DAB2: variants seen among roughly 807,000 people sequenced by gnomAD.
The protein encoded by DAB2 is disabled homolog 2.
Under a neutral mutation model 71.6 loss-of-function variants are expected in DAB2, and 28 were observed. That is an observed-to-expected ratio of 0.39 (90% CI 0.29 to 0.54). The LOEUF (loss-of-function observed/expected upper bound fraction) is 0.54, where lower values mean the gene tolerates loss of function less well. Ranked by LOEUF, DAB2 falls within the 20% of genes least tolerant of loss-of-function variation. DAB2 has a pLI of 0.68. For missense variants in DAB2, 867 were observed against 928.8 expected (o/e 0.93, Z 0.86); for synonymous variants, 345 against 339.7 (o/e 1.02, Z -0.17).
chr5:39,388,904 G>T, intron 7 of DAB2, 52 bp from the exon 8 acceptor site: 17 of 1,499,418 alleles, frequency 1.1e-5, no homozygotes, highest in Non-Finnish European at 1.6e-5. Context: ...TCTATAAAAT[G>T]TATTTGTCCA....
intron 1 of DAB2, among the ~76,000 whole-genome samples, chr5:39,424,542 G>T (rs547864077): frequency 3.1e-4 from 47 of 149,630 alleles, no homozygotes; most frequent in Non-Finnish European, 5.9e-4. Flanking sequence ...GGAGGCGTTT[G>T]TTAAATGTCA....
intron 11 of DAB2, 149 bp downstream of exon 11, chr5:39,381,305 T>G: frequency 2.9e-6 from 2 of 694,994 alleles, no homozygotes; most frequent in Non-Finnish European, 4.7e-6. Flanking sequence ...GGATGTGGGG[T>G]TGTATAGTAG....
At chr5:39,385,468 T>G (rs1021729708) in intron 9 of DAB2, 9 of 152,148 alleles carry the variant, frequency 5.9e-5, no homozygotes, top group Non-Finnish European at 1.2e-4. Context: ...AGGCTGGGTT[T>G]GTTATTAATC....
chr5:39,376,958 G>T lies in DAB2; in HGVS notation c.1829C>A (p.Ser610Tyr). 1 of 1,614,152 alleles carries T rather than the reference G, an allele frequency of 6.2e-7. No homozygotes were observed. The highest frequency in any genetic ancestry group is 8.5e-7 in the Non-Finnish European group (1 of 1,180,026). ...AGTGACCAGGAGAGAGGAGTGCATG[G>T]ATGGGGGCTGAGTGGACACAGCAGG... is the stretch of plus-strand genomic sequence containing the variant. ...PAPAVSTQPPSMHSSLLVTPP... is the reference protein window; with the variant it reads ...PAPAVSTQPPYMHSSLLVTPP... The change falls in exon 12 of 15, where the codon TCC becomes TAC. Residue 610 changes from serine (S) to tyrosine (Y), a missense_variant. Ser to Tyr is a moderately radical substitution (Grantham distance 144). Coordinates refer to ENST00000320816, the MANE Select transcript of DAB2 (RefSeq NM_001343.4).
chr5:39,410,618 G>T (rs1210481549), intron 1 of DAB2, among the ~76,000 whole-genome samples: 1 of 152,000 alleles, frequency 6.6e-6, no homozygotes, highest in Non-Finnish European at 1.5e-5. Context: ...GAGTTTTTCT[G>T]GTTTTCTAAG....
At chr5:39,381,999 A>C (rs577933530) in intron 10 of DAB2, among the ~76,000 whole-genome samples, 1 of 152,360 alleles carries the variant, frequency 6.6e-6, no homozygotes, top group South Asian at 2.1e-4. Context: ...ATTTTAAGTC[A>C]GTCTACATAG....
intron 3 of DAB2, 72 bp downstream of exon 3, chr5:39,393,182 A>T: frequency 6.7e-7 from 1 of 1,485,142 alleles, no homozygotes; most frequent in Middle Eastern, 1.8e-4. Flanking sequence ...TAGGTCAACA[A>T]GAGCTTCTAA....
chr5:39,391,228 A>G (rs1363616947), intron 4 of DAB2, among the ~76,000 whole-genome samples: 3 of 151,964 alleles, frequency 2.0e-5, no homozygotes, highest in Non-Finnish European at 4.4e-5. Flanking sequence ...CTTTTCTTCT[A>G]TTTTTCCCTC....
chr5:39,383,422 C>T (rs1324353288), intron 9 of DAB2, 151 bp from the exon 10 acceptor site: 1 of 646,514 alleles, frequency 1.5e-6, no homozygotes, highest in Admixed American at 2.9e-5. Flanking sequence ...CCATCAACCC[C>T]CGTAGTCCAT....
Position 39,401,730 on chromosome 5 carries a change from G to GTTATTTATTTATTTATTTAT in DAB2, c.-101-7329_-101-7310dup, listed in dbSNP as rs55909785. Among the ~76,000 whole-genome samples, 476 of 141,274 alleles carry GTTATTTATTTATTTATTTAT rather than the reference G, an allele frequency of 3.4e-3. 5 individuals are homozygous for GTTATTTATTTATTTATTTAT. The highest frequency in any genetic ancestry group is 9.2e-3 in the African/African-American group (346 of 37,516). The allele number at this position is 141,274 out of a possible 152,430, so 92.7% of individuals were successfully genotyped here. On this transcript the variant is annotated intron_variant, in intron 1 of 14. Coordinates refer to ENST00000320816, the MANE Select transcript of DAB2 (RefSeq NM_001343.4). ...CTGTTAAAGACATACCTGAGACTGG[G>GTTATTTATTTATTTATTTAT]TTATTTATTTATTTATTTATTTATT... is the stretch of plus-strand genomic sequence containing the variant.
intron 1 of DAB2, among the ~76,000 whole-genome samples, 184 bp from the exon 2 acceptor site, chr5:39,394,605 T>A (rs1048209734): frequency 6.6e-6 from 1 of 152,238 alleles, no homozygotes; most frequent in East Asian, 1.9e-4. Flanking sequence ...CTTTGTAGTT[T>A]CCAAAATGGA....
intron 9 of DAB2, among the ~76,000 whole-genome samples, chr5:39,384,373 G>A (rs563208466): frequency 4.5e-4 from 68 of 152,280 alleles, no homozygotes; most frequent in African/African-American, 1.5e-3. Flanking sequence ...ACAATATGCT[G>A]TAATAAAAGT....
At chr5:39,392,543 C>A in intron 3 of DAB2, 80 bp from the exon 4 acceptor site, 1 of 1,108,240 alleles carries the variant, frequency 9.0e-7, no homozygotes, top group South Asian at 1.3e-5. Flanking sequence ...TTTTCAAAGT[C>A]AGTCAGCTTT....
At chr5:39,403,338 G>C (rs1755542621) in intron 1 of DAB2, among the ~76,000 whole-genome samples, 1 of 152,110 alleles carries the variant, frequency 6.6e-6, no homozygotes, top group South Asian at 2.1e-4. Flanking sequence ...GAGATTACCT[G>C]TGTTTGTTTT....
intron 1 of DAB2, among the ~76,000 whole-genome samples, chr5:39,403,963 A>AT (rs1323437651): frequency 5.3e-5 from 8 of 151,830 alleles, no homozygotes; most frequent in Middle Eastern, 3.2e-3. Context: ...TTAACTCATC[A>AT]TTTTTTATGG....
Position 39,376,844 on chromosome 5 carries a change from A to G in DAB2, c.1943T>C (p.Ile648Thr). The G allele has an allele frequency of 6.2e-7, 1 of 1,614,066 alleles. No homozygotes were observed. Among genetic ancestry groups the G allele is most frequent in the South Asian group, 1.1e-5 (1 of 91,082 alleles). The change falls in exon 12 of 15, where the codon ATC becomes ACC. Residue 648 changes from isoleucine (I) to threonine (T), a missense_variant. Transcript: ENST00000320816. ...TALDPLGDKE[I>T]KDVKEMFKDF... Reference sequence around the variant, plus strand: ...CTTAAACATTTCTTTCACATCCTTGATCTCTTTATCCCCAAGTGGGTCTAA... The same window carrying G: ...CTTAAACATTTCTTTCACATCCTTGGTCTCTTTATCCCCAAGTGGGTCTAA...
In DAB2 at chr5:39,397,611, G is replaced by C. The variant is rs190262661; in HGVS notation, c.-101-3190C>G. On this transcript the variant is annotated intron_variant, in intron 1 of 14. Coordinates refer to ENST00000320816, the MANE Select transcript of DAB2 (RefSeq NM_001343.4). ...GGTTAGTATTCGAGTGGGAATTAAT[G>C]CTTAACATTAAAATCTTTTAAAATA... 5.6e-4 allele frequency among the ~76,000 whole-genome samples: 86 copies of C among 152,238 alleles called. 1 individual carries two copies. The highest frequency in any genetic ancestry group is 3.6e-3 in the Admixed American group (55 of 15,294).
At chr5:39,405,430 T>C (rs753630543) in intron 1 of DAB2, among the ~76,000 whole-genome samples, 13 of 152,220 alleles carry the variant, frequency 8.5e-5, no homozygotes, top group Non-Finnish European at 1.5e-4. Context: ...GGAAGTGACA[T>C]TGAAACTTCA....
intron 11 of DAB2, among the ~76,000 whole-genome samples, chr5:39,378,875 T>C (rs1754892374): frequency 2.0e-5 from 3 of 152,216 alleles, no homozygotes; most frequent in Non-Finnish European, 4.4e-5. Context: ...ATACAGAAAT[T>C]AGACTTCATT....
Sources: gnomAD v4.1 joint callset for allele counts (sites outside exome capture counted in the v4.1 genomes callset) on GRCh38, gnomAD v4.1.1 for gene constraint, MANE v1.5 for transcripts, NCBI Gene and HGNC (gene_info 2026-07-23, HGNC 2026-07-21) for gene names.